The following OXR1 variants were observed in gnomAD, a reference collection of about 807,000 sequenced individuals.
OXR1 encodes oxidation resistance 1.
A neutral mutation model predicts 104.6 loss-of-function variants in OXR1; 41 were observed. The observed-to-expected ratio is 0.39, with a 90% CI of 0.31 to 0.51. OXR1 has a LOEUF of 0.51. Ranked by LOEUF, OXR1 falls within the 20% of genes least tolerant of loss-of-function variation. The pLI, the probability that OXR1 is intolerant of heterozygous loss-of-function variation, is 0.77. For synonymous variants in OXR1, 348 were observed against 348.4 expected, an observed-to-expected ratio of 1.00 and a Z score of 0.01; for missense variants, 955 against 1,031.9, an observed-to-expected ratio of 0.93 and a Z score of 1.02.
intron 9 of OXR1, among the ~76,000 whole-genome samples, chr8:106,709,648 C>T (rs928640625): frequency 2.0e-5 from 3 of 151,840 alleles, no homozygotes; most frequent in Non-Finnish European, 2.9e-5. Flanking sequence ...ATTAAAAGGA[C>T]AAAAATTGAT....
intron 2 of OXR1, among the ~76,000 whole-genome samples, chr8:106,453,966 A>C (rs2130625524): frequency 6.6e-6 from 1 of 152,324 alleles, no homozygotes. Flanking sequence ...TTATTCTTTG[A>C]ATTTTTATTT....
chr8:106,676,876 AT>A (rs1434125602), intron 3 of OXR1, among the ~76,000 whole-genome samples: 2 of 152,080 alleles, frequency 1.3e-5, no homozygotes, highest in African/African-American at 4.8e-5. Context: ...ATAATATTTT[AT>A]AATTTTTAAT....
rs548688259 is a variant in OXR1 at position 106,725,024 on chromosome 8, G to A, written c.1956+11039G>A. The stretch of plus-strand genomic sequence containing the variant: ...GCTGATGGTTGTTAGGAGAGTCTGT[G>A]ATGGAGGGGTGGAGTGTGACCACAA... On this transcript the variant is annotated intron_variant, in intron 11 of 16. Coordinates refer to ENST00000517566, the MANE Select transcript of OXR1 (RefSeq NM_001198533.2). 2.6e-5 allele frequency among the ~76,000 whole-genome samples: 4 copies of A among 152,338 alleles called. No individual in the cohort carries two copies. The South Asian group carries it at 8.3e-4, about 32-fold the overall frequency.
chr8:106,739,094 A>ACACACACACACACACACACACACACG, intron 12 of OXR1, among the ~76,000 whole-genome samples: 1 of 149,674 alleles, frequency 6.7e-6, no homozygotes, highest in East Asian at 1.9e-4. Context: ...ACACACACAC[A>ACACACACACACACACACACACACACG]CACACACACA....
intron 3 of OXR1, among the ~76,000 whole-genome samples, chr8:106,557,699 C>T (rs142610451): frequency 3.5e-4 from 54 of 152,238 alleles, no homozygotes; most frequent in African/African-American, 1.2e-3. Flanking sequence ...TCTGCAGGCA[C>T]CTAATGATGA....
intron 1 of OXR1, among the ~76,000 whole-genome samples, chr8:106,348,244 G>A (rs1815576602): frequency 1.3e-5 from 2 of 152,032 alleles, no homozygotes; most frequent in African/African-American, 4.8e-5. Flanking sequence ...AGGTGACTTG[G>A]GCTGTGCTAT....
intron 1 of OXR1, among the ~76,000 whole-genome samples, chr8:106,283,627 G>T (rs1003637159): frequency 6.6e-6 from 1 of 152,116 alleles, no homozygotes; most frequent in African/African-American, 2.4e-5. Flanking sequence ...GTAGTCAAAG[G>T]GCCTCCCCCT....
chr8:106,662,602 A>G (rs913620664), intron 3 of OXR1, among the ~76,000 whole-genome samples: 12 of 152,190 alleles, frequency 7.9e-5, no homozygotes, highest in African/African-American at 2.9e-4. Context: ...CAACAACCCT[A>G]TGAGGTAATT....
chr8:106,451,994 A>G (rs1256997241), intron 2 of OXR1, among the ~76,000 whole-genome samples: 3 of 152,178 alleles, frequency 2.0e-5, no homozygotes, highest in African/African-American at 7.2e-5. Flanking sequence ...GAGCGGGAGC[A>G]TATTTGACTA....
At chr8:106,314,826 A>AATAATGGG (rs1813859212) in intron 1 of OXR1, among the ~76,000 whole-genome samples, 1 of 152,198 alleles carries the variant, frequency 6.6e-6, no homozygotes, top group Non-Finnish European at 1.5e-5. Flanking sequence ...TTTAAGTAAA[A>AATAATGGG]ATAATGGGAT....
chr8:106,380,731 T>C (rs530421212), intron 2 of OXR1, among the ~76,000 whole-genome samples: 7 of 152,330 alleles, frequency 4.6e-5, no homozygotes, highest in African/African-American at 1.4e-4. Context: ...ATGTGGAGCA[T>C]TTTTCTTATG....
At chr8:106,524,960 T>G (rs549436369) in intron 3 of OXR1, among the ~76,000 whole-genome samples, 1 of 152,312 alleles carries the variant, frequency 6.6e-6, no homozygotes, top group Admixed American at 6.5e-5. Context: ...GCATCTGCAC[T>G]TCTCTGTGCC....
At chr8:106,556,387 G>C (rs1377378661) in intron 3 of OXR1, among the ~76,000 whole-genome samples, 2 of 152,026 alleles carry the variant, frequency 1.3e-5, no homozygotes, top group African/African-American at 4.8e-5. Context: ...CTTGAGATTG[G>C]GCCATCAAGG....
At chr8:106,439,671 T>C (rs1347551638) in intron 2 of OXR1, among the ~76,000 whole-genome samples, 1 of 151,710 alleles carries the variant, frequency 6.6e-6, no homozygotes, top group African/African-American at 2.4e-5. Context: ...TTATTTGACA[T>C]ACAAACATTG....
intron 1 of OXR1, among the ~76,000 whole-genome samples, chr8:106,327,649 G>GA (rs1034945921): frequency 6.6e-5 from 10 of 151,840 alleles, no homozygotes; most frequent in South Asian, 2.1e-4. Flanking sequence ...TTATACTTGT[G>GA]AAAAAAAATC....
intron 2 of OXR1, among the ~76,000 whole-genome samples, chr8:106,473,278 A>G (rs1821617103): frequency 6.6e-6 from 1 of 151,996 alleles, no homozygotes; most frequent in African/African-American, 2.4e-5. Context: ...CCTTTTGATG[A>G]TGGTGATTAA....
chr8:106,599,384 T>G (rs1819781449), intron 3 of OXR1, among the ~76,000 whole-genome samples: 1 of 152,228 alleles, frequency 6.6e-6, no homozygotes, highest in South Asian at 2.1e-4. Flanking sequence ...GAATTCAATA[T>G]TTCATGATTA....
At chr8:106,737,437 CCTCT>C in intron 11 of OXR1, 79 bp from the exon 12 acceptor site, 1 of 380,438 alleles carries the variant, frequency 2.6e-6, no homozygotes, top group Admixed American at 5.0e-5. Context: ...TTTAATTTCT[CCTCT>C]TTTTTTTTTT....
At chr8:106,452,634 C>T (rs1820378897) in intron 2 of OXR1, among the ~76,000 whole-genome samples, 1 of 152,128 alleles carries the variant, frequency 6.6e-6, no homozygotes, top group Non-Finnish European at 1.5e-5. Flanking sequence ...AAAAGTTTAA[C>T]TTGGTCACCA....
Sources: gnomAD v4.1 joint callset for allele counts (sites outside exome capture counted in the v4.1 genomes callset) on GRCh38, gnomAD v4.1.1 for gene constraint, MANE v1.5 for transcripts, NCBI Gene and HGNC (gene_info 2026-07-23, HGNC 2026-07-21) for gene names.